FOXP1: variants seen among roughly 807,000 people sequenced by gnomAD.
FOXP1 encodes forkhead box P1, also known as forkhead box protein P1.
In FOXP1, 15 loss-of-function variants were observed where a neutral mutation model predicts 98.2. The observed-to-expected ratio is 0.15, with a 90% CI of 0.10 to 0.24. The LOEUF is 0.24. FOXP1 is among the 10% of genes least tolerant of loss of function. The pLI is 1.00. For missense variants in FOXP1, 633 were observed against 848.5 expected (o/e 0.75, Z 3.15); for synonymous variants, 371 against 314.5 (o/e 1.18, Z -1.90).
At chr3:71,356,236 G>T (rs939167964) in intron 4 of FOXP1, among the ~76,000 whole-genome samples, 6 of 144,048 alleles carry the variant, frequency 4.2e-5, no homozygotes, top group African/African-American at 1.5e-4. Context: ...AAAAAAAAAG[G>T]AATAAAAAAA....
intron 17 of FOXP1, among the ~76,000 whole-genome samples, 175 bp downstream of exon 17, chr3:70,976,766 G>A (rs1044559522): frequency 3.3e-5 from 5 of 152,170 alleles, no homozygotes; most frequent in African/African-American, 1.2e-4. Context: ...TTCCATCAGA[G>A]CATTTCAACC....
rs1257679529 is a variant in FOXP1, at chr3:71,041,962, G to A, written c.665-430C>T. ...TAATTTTTGTGCTTAAGTCTTAAAT[G>A]ATGACAAATAGCTTTGTTATTAAAT... On this transcript the variant is annotated intron_variant, in intron 10 of 20. Coordinates refer to ENST00000649528, the MANE Select transcript of FOXP1 (RefSeq NM_001349338.3). 2.6e-5 allele frequency among the ~76,000 whole-genome samples: 4 copies of A among 152,138 alleles called. No homozygotes were observed. The South Asian group carries it at 8.3e-4, about 32-fold the overall frequency.
intron 11 of FOXP1, among the ~76,000 whole-genome samples, chr3:71,018,662 TGGAA>T (rs2044893686): frequency 1.3e-5 from 2 of 152,202 alleles, no homozygotes; most frequent in African/African-American, 4.8e-5. Flanking sequence ...TGTTTGGCTT[TGGAA>T]GGAGAGAGAA....
chr3:71,301,126 T>A lies in FOXP1; in HGVS notation c.-72-1246A>T, dbSNP rs76741222. On this transcript the variant is annotated intron_variant, in intron 4 of 20. Transcript: ENST00000649528. ...GTTTACTGTAAGAGGAAATTGGAGG[T>A]TTTCACCATAAATTTTCACCATTTG... Among the ~76,000 whole-genome samples, 764 of 151,796 alleles carry A rather than the reference T, an allele frequency of 5.0e-3. 6 individuals carry two copies. Among genetic ancestry groups the A allele is most frequent in the Non-Finnish European group, 8.1e-3 (550 of 67,920 alleles).
intron 7 of FOXP1, among the ~76,000 whole-genome samples, chr3:71,105,535 A>T (rs1409187526): frequency 6.6e-6 from 1 of 152,168 alleles, no homozygotes; most frequent in Non-Finnish European, 1.5e-5. Context: ...AAATGGCAGG[A>T]GCACTCTTAA....
intron 13 of FOXP1, among the ~76,000 whole-genome samples, chr3:70,991,282 C>G (rs544819663): frequency 2.0e-5 from 3 of 152,120 alleles, no homozygotes; most frequent in Non-Finnish European, 4.4e-5. Context: ...ATCTTCCCCT[C>G]ATCTTGGGCA....
chr3:71,165,747 A>G (rs531970369), intron 6 of FOXP1, among the ~76,000 whole-genome samples: 1 of 152,310 alleles, frequency 6.6e-6, no homozygotes, highest in South Asian at 2.1e-4. Context: ...TCACCCACCC[A>G]GAGGCATCCG....
Position 71,026,718 on chromosome 3 carries a change from T to G in FOXP1, c.870-11065A>C, listed in dbSNP as rs1464194686. On this transcript the variant is annotated intron_variant, in intron 11 of 20. Coordinates refer to ENST00000649528, the MANE Select transcript of FOXP1 (RefSeq NM_001349338.3). Reference sequence around the variant, plus strand: ...CACTAACCATGTCACCAATCTCCCCTATCTCCCCCCTTTCCAGCCACACTG... The same window carrying G: ...CACTAACCATGTCACCAATCTCCCCGATCTCCCCCCTTTCCAGCCACACTG... Among the ~76,000 whole-genome samples the G allele has an allele frequency of 1.3e-5, 2 of 152,284 alleles. 1 individual carries two copies. The highest frequency in any genetic ancestry group is 4.1e-4 in the South Asian group (2 of 4,830).
chr3:71,514,087 G>C (rs570368989), intron 2 of FOXP1, among the ~76,000 whole-genome samples: 1 of 152,120 alleles, frequency 6.6e-6, no homozygotes, highest in Non-Finnish European at 1.5e-5. Flanking sequence ...TTTGACAAAG[G>C]CAAGTCCTTT....
chr3:71,404,353 C>CCCA (rs2082165555), intron 3 of FOXP1, among the ~76,000 whole-genome samples: 1 of 151,724 alleles, frequency 6.6e-6, no homozygotes, highest in African/African-American at 2.4e-5. Flanking sequence ...TCTCGAACTC[C>CCCA]CCACCTCAGT....
At chr3:71,450,256 G>A (rs529633821) in intron 3 of FOXP1, among the ~76,000 whole-genome samples, 71 of 152,254 alleles carry the variant, frequency 4.7e-4, no homozygotes, top group African/African-American at 1.6e-3. Context: ...AAAACTACAG[G>A]TGTTTCTGTA....
chr3:71,151,400 C>T (rs899898483), intron 6 of FOXP1, among the ~76,000 whole-genome samples: 5 of 152,150 alleles, frequency 3.3e-5, no homozygotes, highest in Non-Finnish European at 5.9e-5. Flanking sequence ...ATTGGGGGAG[C>T]ACTTATGATT....
intron 7 of FOXP1, among the ~76,000 whole-genome samples, chr3:71,100,686 T>C (rs140216189): frequency 1.5e-3 from 232 of 152,348 alleles, no homozygotes; most frequent in Non-Finnish European, 2.8e-3. Context: ...GGCAACACAG[T>C]ACACAGTATC....
chr3:71,192,381 G>T (rs2063040837), intron 6 of FOXP1, among the ~76,000 whole-genome samples: 2 of 152,148 alleles, frequency 1.3e-5, no homozygotes, highest in African/African-American at 4.8e-5. Flanking sequence ...TTAATATGGT[G>T]CCCCAGAGGC....
chr3:71,355,085 T>C (rs1441049582), intron 4 of FOXP1, among the ~76,000 whole-genome samples: 1 of 152,196 alleles, frequency 6.6e-6, no homozygotes, highest in African/African-American at 2.4e-5. Flanking sequence ...AGTGGGAACT[T>C]TCCAGAGAAA....
At chr3:71,396,971 T>C (rs370804580) in intron 3 of FOXP1, among the ~76,000 whole-genome samples, 236 of 18,434 alleles carry the variant, frequency 0.013, 29 homozygotes, top group African/African-American at 0.029. Context: ...TATGTGTGTA[T>C]ATATATATAT....
Position 70,956,489 on chromosome 3 carries a change from GTTTT to G in FOXP1, c.*2754_*2757del, listed in dbSNP as rs886058836. 4.8e-6 allele frequency: 1 copy of G among 206,798 alleles called. No individual in the cohort carries two copies. Among genetic ancestry groups the G allele is most frequent in the Non-Finnish European group, 9.6e-6 (1 of 104,322 alleles). The allele number at this position is 206,798 out of a possible 1,614,324, so 12.8% of individuals were successfully genotyped here. A position where few individuals can be genotyped will look rare whatever the true frequency, so the allele number is the denominator to read the frequency against. On this transcript the variant is annotated 3_prime_UTR_variant, in exon 21 of 21. Transcript: ENST00000649528. Reference sequence around the variant, plus strand: ...ACGACTAAGTGCAACTGAGTGAAATGTTTTTTTTTTAAATTTTAATCATTCCCTA... The same window carrying G: ...ACGACTAAGTGCAACTGAGTGAAATGTTTTTTAAATTTTAATCATTCCCTA...
chr3:71,265,686 T>C (rs2069572906), intron 5 of FOXP1, among the ~76,000 whole-genome samples: 1 of 152,270 alleles, frequency 6.6e-6, no homozygotes, highest in Non-Finnish European at 1.5e-5. Flanking sequence ...GCCCTAGTAA[T>C]GTACACATGT....
intron 6 of FOXP1, among the ~76,000 whole-genome samples, chr3:71,124,507 T>C (rs1024405466): frequency 6.6e-6 from 1 of 152,048 alleles, no homozygotes; most frequent in Non-Finnish European, 1.5e-5. Flanking sequence ...TGTTACTTAT[T>C]ATGCAAAGCC....
Sources: allele counts gnomAD v4.1 joint callset (sites outside exome capture counted in the v4.1 genomes callset), GRCh38; gene constraint gnomAD v4.1.1; transcripts MANE v1.5; gene names NCBI Gene and HGNC (gene_info 2026-07-23, HGNC 2026-07-21).